The following SLAIN2 variants were observed in gnomAD, a reference collection of about 807,000 sequenced individuals.
The protein encoded by SLAIN2 is SLAIN family member 2.
In SLAIN2, 31 loss-of-function variants were observed where a neutral mutation model predicts 56.6. The ratio of observed to expected loss-of-function variants is 0.55; its 90% confidence interval spans 0.41 to 0.74. The LOEUF (loss-of-function observed/expected upper bound fraction) is 0.74, where lower values mean the gene tolerates loss of function less well. Ranked by LOEUF, SLAIN2 falls within the 30% of genes least tolerant of loss-of-function variation. SLAIN2 has a pLI of 0.00. For synonymous variants in SLAIN2, 317 were observed against 284.9 expected (o/e 1.11, Z -1.13); for missense variants, 777 against 754.2 (o/e 1.03, Z -0.35).
chr4:48,421,909 C>T (rs1176768429), intron 7 of SLAIN2, 102 bp from the exon 8 acceptor site: 41 of 934,450 alleles, frequency 4.4e-5, no homozygotes, highest in Non-Finnish European at 6.1e-5. Context: ...TTCATGGGAT[C>T]GTGATGCCAC....
chr4:48,400,586 G>C (rs772037074), intron 6 of SLAIN2, among the ~76,000 whole-genome samples: 3 of 151,942 alleles, frequency 2.0e-5, no homozygotes, highest in Non-Finnish European at 4.4e-5. Context: ...ATTTTTAGTA[G>C]AGATGGGGTT....
chr4:48,350,675 C>A (rs1714987882), intron 1 of SLAIN2, among the ~76,000 whole-genome samples: 1 of 152,108 alleles, frequency 6.6e-6, no homozygotes, highest in Non-Finnish European at 1.5e-5. Flanking sequence ...CTTCTGAGAT[C>A]TTTTGGGATC....
In SLAIN2 at chr4:48,425,442, C is replaced by T. The variant is rs78369157; in HGVS notation, c.*3365C>T. On this transcript the variant is annotated 3_prime_UTR_variant, in exon 8 of 8. Coordinates refer to ENST00000264313, the MANE Select transcript of SLAIN2 (RefSeq NM_020846.2). ...CCAAATGCGAATATTTAGGTGATCA[C>T]GTGCATCTTTTCTTGTATGGATGGA... 4.6e-5 allele frequency: 7 copies of T among 152,136 alleles called. No individual in the cohort carries two copies. The East Asian group carries it at 7.7e-4, about 17-fold the overall frequency. The allele number at this position is 152,136 out of a possible 1,614,324, so 9.4% of individuals were successfully genotyped here.
At chr4:48,388,121 A>G (rs1012554392) in intron 6 of SLAIN2, among the ~76,000 whole-genome samples, 7 of 152,044 alleles carry the variant, frequency 4.6e-5, no homozygotes, top group Non-Finnish European at 1.0e-4. Context: ...TTATATGCTT[A>G]TTTGCTGTGG....
chr4:48,343,964 C>T (rs532359059), intron 1 of SLAIN2, among the ~76,000 whole-genome samples: 2 of 152,282 alleles, frequency 1.3e-5, no homozygotes, highest in South Asian at 2.1e-4. Flanking sequence ...TAAAATGATG[C>T]TCATAATAAT....
intron 1 of SLAIN2, among the ~76,000 whole-genome samples, chr4:48,363,770 G>C (rs1715413682): frequency 7.6e-6 from 1 of 132,106 alleles, no homozygotes; most frequent in Non-Finnish European, 1.7e-5. Flanking sequence ...CTCCCTCCCG[G>C]ACGGGGCGGC....
At chr4:48,342,200 C>T (rs1340117116) in intron 1 of SLAIN2, 72 bp downstream of exon 1, 18 of 1,324,560 alleles carry the variant, frequency 1.4e-5, no homozygotes, top group South Asian at 2.1e-5. Flanking sequence ...CTGAGGGTCC[C>T]TCTGGTCGGG....
At chr4:48,371,105 TTTTG>T (rs1163688999) in intron 2 of SLAIN2, among the ~76,000 whole-genome samples, 7 of 149,676 alleles carry the variant, frequency 4.7e-5, no homozygotes, top group African/African-American at 1.7e-4. Context: ...TTGTTTTTTG[TTTTG>T]TTTTTTTTTT....
intron 6 of SLAIN2, among the ~76,000 whole-genome samples, chr4:48,418,966 G>A (rs1717073103): frequency 6.6e-6 from 1 of 152,084 alleles, no homozygotes; most frequent in South Asian, 2.1e-4. Flanking sequence ...CCTTTTTACT[G>A]CTGAGCGGTA....
intron 1 of SLAIN2, among the ~76,000 whole-genome samples, chr4:48,363,716 CCCAGACGGGGCGG>C (rs1715407717): frequency 8.3e-6 from 1 of 120,824 alleles, no homozygotes; most frequent in Non-Finnish European, 1.9e-5. Context: ...CCCCTCACCT[CCCAGACGGGGCGG>C]CTGGCCAGGC....
intron 3 of SLAIN2, 139 bp from the exon 4 acceptor site, chr4:48,379,551 T>G: frequency 1.4e-6 from 1 of 712,286 alleles, no homozygotes; most frequent in Non-Finnish European, 2.0e-6. Flanking sequence ...AATTTCTAAT[T>G]TCAGGGAATT....
At chr4:48,378,666 A>G (rs934155858) in intron 3 of SLAIN2, among the ~76,000 whole-genome samples, 6 of 152,184 alleles carry the variant, frequency 3.9e-5, no homozygotes, top group Non-Finnish European at 8.8e-5. Flanking sequence ...AAGGTTAACC[A>G]CCTCAAATTT....
chr4:48,385,797 T>G (rs1716083652), intron 6 of SLAIN2, among the ~76,000 whole-genome samples: 1 of 152,058 alleles, frequency 6.6e-6, no homozygotes, highest in African/African-American at 2.4e-5. Flanking sequence ...ATTTAATTTC[T>G]TCACACTTTT....
At chr4:48,367,499 C>G (rs912011547) in intron 1 of SLAIN2, among the ~76,000 whole-genome samples, 8 of 152,002 alleles carry the variant, frequency 5.3e-5, no homozygotes, top group Admixed American at 5.2e-4. Flanking sequence ...AAGGTAGGCT[C>G]AGCAAGTCTT....
At chr4:48,350,189 A>T (rs2109734686) in intron 1 of SLAIN2, among the ~76,000 whole-genome samples, 1 of 152,322 alleles carries the variant, frequency 6.6e-6, no homozygotes, top group East Asian at 1.9e-4. Context: ...TATAGCTCAC[A>T]TCCTGTGAGC....
At chr4:48,383,596 T>C (rs1716025740) in intron 5 of SLAIN2, 51 bp from the exon 6 acceptor site, 2 of 1,425,622 alleles carry the variant, frequency 1.4e-6, no homozygotes, top group East Asian at 5.0e-5. Context: ...ATATTTTAAT[T>C]TTCTCCATCT....
intron 6 of SLAIN2, among the ~76,000 whole-genome samples, chr4:48,400,377 G>A (rs6447633): frequency 1 from 143,498 of 144,054 alleles, 71,474 homozygotes; most frequent in South Asian, 1. Flanking sequence ...GATTGTGTCT[G>A]TTTGATTCTT....
chr4:48,395,810 C>CTTTTTTTTTTTTTTTTTT (rs10649464), intron 6 of SLAIN2, among the ~76,000 whole-genome samples: 2 of 72,772 alleles, frequency 2.7e-5, no homozygotes, highest in African/African-American at 1.4e-4. Flanking sequence ...GAACCTTAGG[C>CTTTTTTTTTTTTTTTTTT]TTTTTTTTTT....
At position 48,361,203 on chromosome 4, in the gene SLAIN2, C is replaced by T. The variant is rs573689904; in HGVS notation, c.390-8646C>T. On this transcript the variant is annotated intron_variant, in intron 1 of 7. Transcript: ENST00000264313. ...GAAGAATTGAAATTTAAGCTGATAC[C>T]CAATAGAAAATAGAGAAGAGCTGGA... 4.6e-5 allele frequency among the ~76,000 whole-genome samples: 7 copies of T among 152,090 alleles called. 1 individual carries two copies. The South Asian group carries it at 1.5e-3, about 32-fold the overall frequency.
Sources: gnomAD v4.1 joint callset for allele counts (sites outside exome capture counted in the v4.1 genomes callset) on GRCh38, gnomAD v4.1.1 for gene constraint, MANE v1.5 for transcripts, NCBI Gene and HGNC (gene_info 2026-07-23, HGNC 2026-07-21) for gene names.